Variants in ADAMTS19 observed in about 807,000 individuals in gnomAD.
ADAMTS19 encodes the protein ADAM metallopeptidase with thrombospondin type 1 motif 19.
ADAMTS19 carries 93 observed loss-of-function variants against 153.3 expected under a neutral mutation model. The ratio of observed to expected loss-of-function variants is 0.61; its 90% CI spans 0.51 to 0.72. The LOEUF (loss-of-function observed/expected upper bound fraction) is 0.72. Ranked by LOEUF, ADAMTS19 falls within the 30% of genes least tolerant of loss-of-function variation. The pLI, the probability that ADAMTS19 is intolerant of heterozygous loss-of-function variation, is 0.00. For missense variants in ADAMTS19, 1,482 were observed against 1,552.1 expected, an observed-to-expected ratio of 0.95 and a Z score of 0.76; for synonymous variants, 600 against 556.6, an observed-to-expected ratio of 1.08 and a Z score of -1.10.
chr5:129,573,927 A>T (rs980068571), intron 7 of ADAMTS19, among the ~76,000 whole-genome samples: 1 of 152,050 alleles, frequency 6.6e-6, no homozygotes, highest in Non-Finnish European at 1.5e-5. Flanking sequence ...GAAACCCCCC[A>T]AAGTCCTCAT....
chr5:129,561,666 C>T (rs936809919), intron 7 of ADAMTS19, among the ~76,000 whole-genome samples: 1 of 152,080 alleles, frequency 6.6e-6, no homozygotes, highest in African/African-American at 2.4e-5. Context: ...GATGAACTTT[C>T]ACACTCTATT....
At chr5:129,574,778 A>C (rs1581101265) in intron 7 of ADAMTS19, among the ~76,000 whole-genome samples, 2 of 151,936 alleles carry the variant, frequency 1.3e-5, no homozygotes, top group African/African-American at 4.8e-5. Context: ...CTTTATACTT[A>C]ATGCAGAAAA....
intron 6 of ADAMTS19, among the ~76,000 whole-genome samples, chr5:129,534,026 A>G (rs926221394): frequency 6.6e-6 from 1 of 152,056 alleles, no homozygotes; most frequent in African/African-American, 2.4e-5. Context: ...TTTGTGGTCA[A>G]TTTTGGAACA....
intron 20 of ADAMTS19, among the ~76,000 whole-genome samples, chr5:129,702,701 G>A (rs145075937): frequency 7.3e-4 from 111 of 151,734 alleles, no homozygotes; most frequent in African/African-American, 2.6e-3. Context: ...AGTCTGGAGA[G>A]AAGAATCACA....
intron 2 of ADAMTS19, among the ~76,000 whole-genome samples, chr5:129,495,302 A>G (rs1365694518): frequency 6.6e-6 from 1 of 152,066 alleles, no homozygotes; most frequent in Non-Finnish European, 1.5e-5. Context: ...GACATTTTTC[A>G]TTCAACATTC....
chr5:129,699,890 G>A (rs1475078686), intron 19 of ADAMTS19, among the ~76,000 whole-genome samples: 1 of 152,078 alleles, frequency 6.6e-6, no homozygotes, highest in Non-Finnish European at 1.5e-5. Context: ...TGAACCTATT[G>A]TATATCAGGA....
chr5:129,688,053 C>A (rs1438180832), intron 18 of ADAMTS19: 1 of 152,090 alleles, frequency 6.6e-6, no homozygotes, highest in Non-Finnish European at 1.5e-5. Context: ...CATTTCAATG[C>A]CAAAATATTT....
chr5:129,621,803 A>G (rs1054157310), intron 9 of ADAMTS19, among the ~76,000 whole-genome samples: 2 of 152,208 alleles, frequency 1.3e-5, no homozygotes, highest in Non-Finnish European at 2.9e-5. Flanking sequence ...TCACCTGAGG[A>G]TGCTTTCCAT....
intron 14 of ADAMTS19, among the ~76,000 whole-genome samples, chr5:129,656,681 C>A (rs1458719428): frequency 6.6e-6 from 1 of 152,198 alleles, no homozygotes; most frequent in African/African-American, 2.4e-5. Context: ...ATACTTAAAA[C>A]TACCAATTAT....
intron 16 of ADAMTS19, among the ~76,000 whole-genome samples, chr5:129,671,354 T>C (rs1203027140): frequency 1.3e-5 from 2 of 152,110 alleles, no homozygotes; most frequent in African/African-American, 2.4e-5. Context: ...GTAACACCAA[T>C]GTAGGACACA....
At chr5:129,523,573 G>A (rs371874704) in intron 3 of ADAMTS19, among the ~76,000 whole-genome samples, 9 of 152,138 alleles carry the variant, frequency 5.9e-5, no homozygotes, top group African/African-American at 2.2e-4. Context: ...GCTGCATAAT[G>A]TGACATGTAA....
At position 129,578,041 on chromosome 5, in the gene ADAMTS19, T is replaced by C. The variant is rs867250004; in HGVS notation, c.1373-18518T>C. On this transcript the variant is annotated intron_variant, in intron 7 of 22. Transcript: ENST00000274487. ...GAATTTATTGATTTTCAAACTTACA[T>C]ACACACACACACACACACACACACA... Among the ~76,000 whole-genome samples the C allele has an allele frequency of 4.7e-3, 464 of 98,562 alleles. 13 individuals are homozygous for C. Among genetic ancestry groups the C allele is most frequent in the African/African-American group, 0.018 (427 of 24,286 alleles). 64.7% of individuals were successfully genotyped at this position (98,562 alleles called of 152,430 possible).
intron 18 of ADAMTS19, chr5:129,688,098 A>G (rs1755171312): frequency 6.6e-6 from 1 of 150,782 alleles, no homozygotes; most frequent in Admixed American, 6.6e-5. Flanking sequence ...TTTGCAGTTC[A>G]TAAATAAAGT....
intron 19 of ADAMTS19, among the ~76,000 whole-genome samples, chr5:129,698,055 T>C (rs1755643661): frequency 6.6e-6 from 1 of 152,206 alleles, no homozygotes; most frequent in African/African-American, 2.4e-5. Context: ...TGAACTCAAC[T>C]ATCTTGGAGA....
At chr5:129,489,064 C>T (rs1267533982) in intron 2 of ADAMTS19, among the ~76,000 whole-genome samples, 5 of 152,024 alleles carry the variant, frequency 3.3e-5, no homozygotes, top group South Asian at 4.1e-4. Flanking sequence ...TTTCTAGGTG[C>T]GTGAACAATT....
intron 6 of ADAMTS19, among the ~76,000 whole-genome samples, chr5:129,538,259 T>C (rs1445191988): frequency 6.6e-6 from 1 of 152,112 alleles, no homozygotes; most frequent in Non-Finnish European, 1.5e-5. Context: ...GGAAAAAGTA[T>C]AGTTAACATT....
intron 21 of ADAMTS19, among the ~76,000 whole-genome samples, chr5:129,725,276 T>A (rs988263135): frequency 2.0e-5 from 3 of 152,080 alleles, no homozygotes; most frequent in Non-Finnish European, 4.4e-5. Context: ...ACCTTTTGAC[T>A]GGGGGTGTTA....
intron 15 of ADAMTS19, among the ~76,000 whole-genome samples, chr5:129,662,965 G>T (rs1753881478): frequency 7.5e-6 from 1 of 133,804 alleles, no homozygotes; most frequent in Non-Finnish European, 1.5e-5. Flanking sequence ...CACAATCTCT[G>T]CTCACTGCAA....
Position 129,684,202 on chromosome 5 carries a change from C to G in ADAMTS19, c.2747C>G (p.Ser916Cys), listed in dbSNP as rs199672216. The change falls in exon 18 of 23, where the codon TCT becomes TGT. Residue 916 changes from serine to cysteine, a missense_variant. Transcript: ENST00000274487. ...PSDPLPENQS[S>C]KAPEPLFMWT... is the part of the protein sequence containing the mutation. ...GACCCTCTTCCAGAAAACCAGAGCT[C>G]TAAAGCACCTGAGCCCCTCTTCATG... 1.7e-5 allele frequency: 28 copies of G among 1,614,158 alleles called. No individual in the cohort carries two copies. Among genetic ancestry groups the G allele is most frequent in the Admixed American group, 1.3e-4 (8 of 60,020 alleles).
Sources: gnomAD v4.1 joint callset for allele counts (sites outside exome capture counted in the v4.1 genomes callset) on GRCh38, gnomAD v4.1.1 for gene constraint, MANE v1.5 for transcripts, NCBI Gene and HGNC (gene_info 2026-07-23, HGNC 2026-07-21) for gene names.